The following RIGI variants were observed in gnomAD, a reference collection of about 807,000 sequenced individuals.
The protein encoded by RIGI is antiviral innate immune response receptor RIG-I.
chr9:32,522,152 T>C, the RIGI span, among the ~76,000 whole-genome samples: 1 of 152,032 alleles, frequency 6.6e-6, no homozygotes, highest in Non-Finnish European at 1.5e-5. Flanking sequence ...GTTGATTGCA[T>C]GGACTGAACT....
chr9:32,517,116 G>C, the RIGI span, among the ~76,000 whole-genome samples: 2 of 152,218 alleles, frequency 1.3e-5, no homozygotes, highest in Non-Finnish European at 2.9e-5. Flanking sequence ...GTTTTAAGCA[G>C]GGTTGGGCCT....
chr9:32,460,587 A>G, the RIGI span, among the ~76,000 whole-genome samples: 6 of 152,102 alleles, frequency 3.9e-5, no homozygotes, highest in African/African-American at 1.5e-4. Context: ...TTTGAAACAT[A>G]AAGAGAAAAC....
the RIGI span, chr9:32,500,906 T>C: frequency 1.2e-6 from 2 of 1,614,194 alleles, no homozygotes; most frequent in Non-Finnish European, 1.7e-6. Context: ...TGGGCCCTTG[T>C]TGTTTTTCTC....
the RIGI span, among the ~76,000 whole-genome samples, chr9:32,471,243 C>T: frequency 6.6e-6 from 1 of 152,014 alleles, no homozygotes; most frequent in Non-Finnish European, 1.5e-5. Context: ...CAGAGCAAGA[C>T]TCTGTCTCAA....
the RIGI span, among the ~76,000 whole-genome samples, chr9:32,465,074 T>C: frequency 6.6e-6 from 1 of 152,234 alleles, no homozygotes; most frequent in Non-Finnish European, 1.5e-5. Flanking sequence ...CCATGGCTAT[T>C]AAAACTCGTG....
At chr9:32,501,155 C>G in the RIGI span, among the ~76,000 whole-genome samples, 1 of 151,990 alleles carries the variant, frequency 6.6e-6, no homozygotes, top group Non-Finnish European at 1.5e-5. Flanking sequence ...TGGAAACCTA[C>G]AGTTTGGTGT....
At chr9:32,481,682 T>C in the RIGI span, among the ~76,000 whole-genome samples, 1 of 152,040 alleles carries the variant, frequency 6.6e-6, no homozygotes, top group Non-Finnish European at 1.5e-5. Flanking sequence ...ACCTCCCGGA[T>C]TCAAGCGATT....
the RIGI span, chr9:32,480,343 A>C: frequency 6.3e-7 from 1 of 1,593,074 alleles, no homozygotes; most frequent in Non-Finnish European, 8.6e-7. Context: ...TAATGAGGGC[A>C]TCATTATATT....
chr9:32,489,769 T>C, the RIGI span, among the ~76,000 whole-genome samples: 6 of 152,174 alleles, frequency 3.9e-5, no homozygotes, highest in South Asian at 1.0e-3. Context: ...CTAAAGGCAA[T>C]GCTGTATGTG....
chr9:32,497,820 T>C, the RIGI span, among the ~76,000 whole-genome samples: 1 of 152,170 alleles, frequency 6.6e-6, no homozygotes, highest in Non-Finnish European at 1.5e-5. Flanking sequence ...ATTTTCCTTC[T>C]TCCTTTCCAA....
chr9:32,515,177 G>A, the RIGI span, among the ~76,000 whole-genome samples: 32 of 152,048 alleles, frequency 2.1e-4, no homozygotes, highest in Non-Finnish European at 4.4e-4. Context: ...CAAGGCGTGC[G>A]GACCACAAGG....
the RIGI span, among the ~76,000 whole-genome samples, chr9:32,508,636 C>A: frequency 4.7e-4 from 72 of 152,226 alleles, no homozygotes; most frequent in Non-Finnish European, 5.7e-4. Context: ...GGTGCCTATG[C>A]CACCAGGGAT....
At chr9:32,457,304 G>A in the RIGI span, 104 of 1,613,792 alleles carry the variant, frequency 6.4e-5, no homozygotes, top group Non-Finnish European at 8.0e-5. Flanking sequence ...CAGTTCTGTC[G>A]GGCACAGAAT....
the RIGI span, chr9:32,485,491 T>C: frequency 3.1e-6 from 2 of 643,342 alleles, no homozygotes; most frequent in East Asian, 5.8e-5. Context: ...CTTGTACTGA[T>C]TCTAACACCT....
chr9:32,521,580 G>GT, the RIGI span, among the ~76,000 whole-genome samples: 17 of 151,746 alleles, frequency 1.1e-4, no homozygotes, highest in South Asian at 1.0e-3. Flanking sequence ...AATTCAGGGG[G>GT]TTTTTTTTAA....
chr9:32,489,493 C>T, the RIGI span: 1 of 1,318,920 alleles, frequency 7.6e-7, no homozygotes, highest in Non-Finnish European at 1.1e-6. Context: ...AGTTCCTGCT[C>T]TGAGGAATCA....
chr9:32,502,340 T>C, the RIGI span, among the ~76,000 whole-genome samples: 1 of 152,228 alleles, frequency 6.6e-6, no homozygotes, highest in East Asian at 1.9e-4. Flanking sequence ...TATGTGACGA[T>C]GTATATATTC....
chr9:32,506,535 G>A, the RIGI span, among the ~76,000 whole-genome samples: 241 of 152,246 alleles, frequency 1.6e-3, no homozygotes, highest in African/African-American at 5.7e-3. Context: ...CTAGTTTTGA[G>A]AGGTCATTCA....
At chr9:32,464,449 G>A in the RIGI span, among the ~76,000 whole-genome samples, 5 of 152,056 alleles carry the variant, frequency 3.3e-5, no homozygotes, top group African/African-American at 1.2e-4. Context: ...GAGTGCAGTG[G>A]CGCGATCTCG....
Sources: gnomAD v4.1 joint callset for allele counts (sites outside exome capture counted in the v4.1 genomes callset) on GRCh38, gnomAD v4.1.1 for gene constraint, MANE v1.5 for transcripts, NCBI Gene and HGNC (gene_info 2026-07-23, HGNC 2026-07-21) for gene names.